Variants in INPP4B observed in about 807,000 individuals in gnomAD.
The protein encoded by INPP4B is inositol polyphosphate 4-phosphatase type II.
A neutral mutation model predicts 122.5 loss-of-function variants in INPP4B; 55 were observed. That is an observed-to-expected ratio of 0.45 (90% CI 0.36 to 0.56). The LOEUF (loss-of-function observed/expected upper bound fraction) is 0.56, where lower values mean the gene tolerates loss of function less well. Ranked by LOEUF, INPP4B falls within the 20% of genes least tolerant of loss-of-function variation. INPP4B has a pLI of 0.00. For missense variants in INPP4B, 1,000 were observed against 1,097.7 expected (o/e 0.91, Z 1.26); for synonymous variants, 403 against 388.7 (o/e 1.04, Z -0.43).
intron 2 of INPP4B, among the ~76,000 whole-genome samples, chr4:142,545,765 G>GTGTGTATATACACATA (rs1829535150): frequency 1.6e-5 from 2 of 125,054 alleles, no homozygotes; most frequent in Admixed American, 8.3e-5. Flanking sequence ...ACATGTATAT[G>GTGTGTATATACACATA]TGTGTATATA....
intron 2 of INPP4B, among the ~76,000 whole-genome samples, chr4:142,573,052 T>C (rs1399224826): frequency 1.3e-5 from 2 of 151,944 alleles, no homozygotes; most frequent in Non-Finnish European, 2.9e-5. Context: ...ACAGGAAGCA[T>C]GGCTGGGAGA....
chr4:142,197,773 A>T (rs933048692), intron 14 of INPP4B, among the ~76,000 whole-genome samples: 2 of 152,202 alleles, frequency 1.3e-5, no homozygotes, highest in Non-Finnish European at 2.9e-5. Flanking sequence ...TTTAATTTTC[A>T]AAATAATACT....
At chr4:142,259,294 T>G (rs952820618) in intron 11 of INPP4B, among the ~76,000 whole-genome samples, 6 of 151,634 alleles carry the variant, frequency 4.0e-5, no homozygotes, top group Admixed American at 1.3e-4. Flanking sequence ...GCATGGCACA[T>G]GTATACATAT....
chr4:142,656,729 G>T (rs1305667176), intron 2 of INPP4B, among the ~76,000 whole-genome samples: 2 of 152,146 alleles, frequency 1.3e-5, no homozygotes, highest in Non-Finnish European at 2.9e-5. Context: ...TCTTCCCCAG[G>T]AATTTTTAAA....
At chr4:142,782,381 A>T (rs1580902615) in intron 1 of INPP4B, among the ~76,000 whole-genome samples, 1 of 150,906 alleles carries the variant, frequency 6.6e-6, no homozygotes, top group East Asian at 1.9e-4. Context: ...CCAGTCTATC[A>T]TTGTTGGACA....
At position 142,403,066 on chromosome 4, in the gene INPP4B, C is replaced by A; in HGVS notation, c.256-12G>T. 2 of 1,439,312 alleles carry A rather than the reference C, an allele frequency of 1.4e-6. No individual in the cohort carries two copies. Among genetic ancestry groups the A allele is most frequent in the Non-Finnish European group, 2.0e-6 (2 of 1,021,286 alleles). 89.2% of individuals were successfully genotyped at this position (1,439,312 alleles called of 1,614,324 possible). A position where few individuals can be genotyped will look rare whatever the true frequency, so the allele number is the denominator to read the frequency against. ...GGGTCCCTTGTTCCCTGTAACAGCA[C>A]AAGCAGACAACTTTGATTCAATAAG... On this transcript the variant is annotated splice_polypyrimidine_tract_variant and intron_variant, in intron 6 of 25. Transcript: ENST00000262992.
At chr4:142,465,713 C>T (rs1256313647) in intron 2 of INPP4B, among the ~76,000 whole-genome samples, 3 of 152,134 alleles carry the variant, frequency 2.0e-5, no homozygotes, top group African/African-American at 7.2e-5. Flanking sequence ...GAGATGAGGC[C>T]TAGTGGAAGG....
At chr4:142,456,754 G>A (rs1223219780) in intron 3 of INPP4B, among the ~76,000 whole-genome samples, 3 of 151,982 alleles carry the variant, frequency 2.0e-5, no homozygotes, top group Non-Finnish European at 4.4e-5. Flanking sequence ...TTGGTAAAAG[G>A]TCAACTTTGT....
intron 15 of INPP4B, among the ~76,000 whole-genome samples, chr4:142,176,118 T>TTTATTATTA (rs146074826): frequency 0.35 from 47,669 of 137,294 alleles, 9,072 homozygotes; most frequent in Non-Finnish European, 0.42. Flanking sequence ...ACTGCTTTCT[T>TTTATTATTA]TTATTATTAT....
intron 1 of INPP4B, among the ~76,000 whole-genome samples, chr4:142,831,758 A>G (rs184400502): frequency 6.6e-6 from 1 of 152,326 alleles, no homozygotes; most frequent in African/African-American, 2.4e-5. Flanking sequence ...TGTTCATGCA[A>G]TGTTAGTTCA....
At chr4:142,584,075 C>T (rs1013453836) in intron 2 of INPP4B, among the ~76,000 whole-genome samples, 3 of 151,842 alleles carry the variant, frequency 2.0e-5, no homozygotes, top group African/African-American at 7.3e-5. Context: ...TTCTATATGC[C>T]CTGTACTCTC....
chr4:142,233,979 A>G (rs1312142600), intron 12 of INPP4B, among the ~76,000 whole-genome samples: 1 of 152,112 alleles, frequency 6.6e-6, no homozygotes, highest in African/African-American at 2.4e-5. Context: ...ACCTAACCCT[A>G]TATAATAATG....
chr4:142,553,531 C>T (rs1248684554), intron 2 of INPP4B, among the ~76,000 whole-genome samples: 4 of 152,184 alleles, frequency 2.6e-5, no homozygotes, highest in African/African-American at 9.7e-5. Context: ...TGCTAGTCAA[C>T]TCATAGTTGA....
intron 2 of INPP4B, among the ~76,000 whole-genome samples, chr4:142,541,297 G>A (rs1222570221): frequency 2.0e-5 from 3 of 152,132 alleles, no homozygotes; most frequent in Non-Finnish European, 4.4e-5. Context: ...ATAGCTGTAA[G>A]TCAGATTTAA....
At chr4:142,305,727 A>T (rs764514314) in intron 8 of INPP4B, 190 bp from the exon 9 acceptor site, 3 of 1,419,042 alleles carry the variant, frequency 2.1e-6, no homozygotes, top group Non-Finnish European at 2.8e-6. Flanking sequence ...AAGGGTGAAA[A>T]TGTATCATTT....
intron 3 of INPP4B, among the ~76,000 whole-genome samples, chr4:142,452,234 C>T (rs1048911428): frequency 3.3e-5 from 5 of 152,258 alleles, no homozygotes; most frequent in Non-Finnish European, 5.9e-5. Flanking sequence ...GACATGAACT[C>T]ATCGACGAGG....
At chr4:142,530,038 G>A (rs1827399456) in intron 2 of INPP4B, among the ~76,000 whole-genome samples, 1 of 152,060 alleles carries the variant, frequency 6.6e-6, no homozygotes, top group Non-Finnish European at 1.5e-5. Flanking sequence ...TGCAATAAAG[G>A]AAAACCGTAA....
At chr4:142,184,974 A>C (rs567463332) in intron 15 of INPP4B, among the ~76,000 whole-genome samples, 37 of 152,328 alleles carry the variant, frequency 2.4e-4, no homozygotes, top group Non-Finnish European at 4.3e-4. Context: ...TTTGCCTTTA[A>C]GAAATATAAT....
intron 2 of INPP4B, among the ~76,000 whole-genome samples, chr4:142,685,166 C>T (rs199979835): frequency 6.6e-6 from 1 of 152,044 alleles, no homozygotes; most frequent in East Asian, 1.9e-4. Context: ...CCCAATTTTA[C>T]AAGCCATAGC....
Sources: allele counts gnomAD v4.1 joint callset (sites outside exome capture counted in the v4.1 genomes callset), GRCh38; gene constraint gnomAD v4.1.1; transcripts MANE v1.5; gene names NCBI Gene and HGNC (gene_info 2026-07-23, HGNC 2026-07-21).